The following OR56A1 variants were observed in gnomAD, a reference collection of about 807,000 sequenced individuals.
OR56A1 encodes the protein olfactory receptor 56A1.
For missense variants in OR56A1, 360 were observed against 380.9 expected (o/e 0.94, Z 0.46); for synonymous variants, 174 against 159.1 (o/e 1.09, Z -0.70).
In OR56A1 at chr11:6,021,209, G is replaced by A. The variant is rs1001144075; in HGVS notation, c.*5539C>T. ...ATCAAAAACCTATTAGGCCTTCGAG[G>A]GGGTTTATTGCCAAAGAAACATGAA... On this transcript the variant is annotated 3_prime_UTR_variant, in exon 2 of 2. Coordinates refer to ENST00000641900, the MANE Select transcript of OR56A1 (RefSeq NM_001388488.1). 4 of 151,976 alleles carry A rather than the reference G, an allele frequency of 2.6e-5. No individual in the cohort carries two copies. Among genetic ancestry groups the A allele is most frequent in the African/African-American group, 9.7e-5 (4 of 41,392 alleles). 9.4% of individuals were successfully genotyped at this position (151,976 alleles called of 1,614,324 possible). A position where few individuals can be genotyped will look rare whatever the true frequency, so the allele number is the denominator to read the frequency against.
Position 6,027,511 on chromosome 11 carries a change from G to C in OR56A1, c.182C>G (p.Pro61Arg). ...TIQLEASLHQ[P>R]LYYLLSLLSL... ...GAGGAGGCTGAGCAGGTAGTACAGG[G>C]GCTGGTGCAGAGAGGCCTCCAGCTG... The change falls in exon 2 of 2, where the codon CCC becomes CGC. Residue 61 changes from proline (P) to arginine (R), a missense_variant. Physicochemically the swap from Pro to Arg is moderately radical, Grantham distance 103 (BLOSUM62 -2). Transcript: ENST00000641900. The C allele has an allele frequency of 6.2e-7, 1 of 1,614,080 alleles. No individual in the cohort carries two copies.
rs1370432424 is a variant in OR56A1, at chr11:6,021,254, T to G, written c.*5494A>C. On this transcript the variant is annotated 3_prime_UTR_variant, in exon 2 of 2. Transcript: ENST00000641900. ...CATGAACTTGACTTTTGAAGAAAGTTTTTGCTTTAGAATTTAAAAAATGTA... is the reference window on the plus strand; with the variant it reads ...CATGAACTTGACTTTTGAAGAAAGTGTTTGCTTTAGAATTTAAAAAATGTA... The G allele has an allele frequency of 2.0e-5, 3 of 152,132 alleles. No homozygotes were observed. The East Asian group carries it at 5.8e-4, about 29-fold the overall frequency. 9.4% of individuals were successfully genotyped at this position (152,132 alleles called of 1,614,324 possible).
chr11:6,031,830 T>C (rs761103211), upstream of OR56A1, among the ~76,000 whole-genome samples: 2 of 152,006 alleles, frequency 1.3e-5, no homozygotes, highest in African/African-American at 2.4e-5. Context: ...CATTAGAACA[T>C]AGCCTGTAGA....
At position 6,026,999 on chromosome 11, in the gene OR56A1, T is replaced by A. The variant is rs778067488; in HGVS notation, c.694A>T (p.Lys232Ter). The change falls in exon 2 of 2, where the codon AAA (lysine) becomes TAA (stop). Residue 232 changes from lysine to a stop codon, truncating the protein, a stop_gained. Transcript: ENST00000641900. LOFTEE classifies it low-confidence loss of function (END_TRUNC). ...TFILRAVLRF[K>*]AEGAAVKALS... ...GCCTTCACTGCCGCCCCCTCTGCTT[T>A]GAATCTAAGCACAGCTCTTAGAATG... 2 of 1,613,894 alleles carry A rather than the reference T, an allele frequency of 1.2e-6. No homozygotes were observed. The highest frequency in any genetic ancestry group is 1.7e-5 in the Admixed American group (1 of 60,028).
chr11:6,029,088 C>T (rs1179454363), intron 1 of OR56A1, among the ~76,000 whole-genome samples: 3 of 151,986 alleles, frequency 2.0e-5, no homozygotes, highest in African/African-American at 7.3e-5. Flanking sequence ...AAAATGTGTA[C>T]ATATAGATGT....
Position 6,026,763 on chromosome 11 carries a change from C to T in OR56A1, c.930G>A (p.Leu310=). Residue 310 remains leucine, a synonymous_variant, in exon 2 of 2, where the codon CTG becomes CTA. Transcript: ENST00000641900. The part of the protein sequence containing the change: ...KEIKQGIQKL[L]QRGR ...CTTTACATATTCACCTCCCTCTCTG[C>T]AGTAACTTCTGAATTCCCTGTTTTA... 6.3e-7 allele frequency: 1 copy of T among 1,594,464 alleles called. No individual in the cohort carries two copies. The highest frequency in any genetic ancestry group is 8.6e-7 in the Non-Finnish European group (1 of 1,167,702).
chr11:6,026,516 C>T lies in OR56A1; in HGVS notation c.*232G>A. ...CAGAGATGTGTTGAAGATTAAATTA[C>T]TTAAATGTAACTGCCAAGGTTCAAA... is the stretch of plus-strand genomic sequence containing the variant. On this transcript the variant is annotated 3_prime_UTR_variant, in exon 2 of 2. Transcript: ENST00000641900. 1 of 483,708 alleles carries T rather than the reference C, an allele frequency of 2.1e-6. No homozygotes were observed. The highest frequency in any genetic ancestry group is 4.0e-5 in the South Asian group (1 of 25,068). 30.0% of individuals were successfully genotyped at this position (483,708 alleles called of 1,614,324 possible).
intron 1 of OR56A1, among the ~76,000 whole-genome samples, chr11:6,029,889 T>A (rs572034770): frequency 6.6e-6 from 1 of 152,326 alleles, no homozygotes; most frequent in Admixed American, 6.5e-5. Flanking sequence ...CTTAGACCTC[T>A]CCAGAAGCCT....
rs750270064 is a variant in OR56A1 at position 6,026,983 on chromosome 11, G to C, written c.710C>G (p.Ala237Gly). 4 of 1,613,870 alleles carry C rather than the reference G, an allele frequency of 2.5e-6. No homozygotes were observed. The Admixed American group carries it at 5.0e-5, about 20-fold the overall frequency. The part of the protein sequence containing the change: ...AVLRFKAEGA[A>G]VKALSTCGSH... Reference sequence around the variant, plus strand: ...GCCACATGTGCTCAGGGCCTTCACTGCCGCCCCCTCTGCTTTGAATCTAAG... The same window carrying C: ...GCCACATGTGCTCAGGGCCTTCACTCCCGCCCCCTCTGCTTTGAATCTAAG... Residue 237 changes from alanine (A) to glycine (G), a missense_variant, in exon 2 of 2, where the codon GCA (alanine) becomes GGA (glycine). Transcript: ENST00000641900.
Position 6,026,809 on chromosome 11 carries a change from T to G in OR56A1, c.884A>C (p.Tyr295Ser), listed in dbSNP as rs1035553940. 4 of 1,613,990 alleles carry G rather than the reference T, an allele frequency of 2.5e-6. No individual in the cohort carries two copies. The Admixed American group carries it at 6.7e-5, about 27-fold the overall frequency. Residue 295 changes from tyrosine to serine, a missense_variant, in exon 2 of 2, where the codon TAT (tyrosine) becomes TCT (serine). Tyr to Ser is a moderately radical substitution (Grantham distance 144). Coordinates refer to ENST00000641900, the MANE Select transcript of OR56A1 (RefSeq NM_001388488.1). ...LIPPALNPIVYGVRTKEIKQG... is the reference protein window; with the variant it reads ...LIPPALNPIVSGVRTKEIKQG... ...TTTTATCTCTTTGGTCCGAACCCCA[T>G]ACACAATAGGGTTCAATGCAGGAGG...
chr11:6,023,326 G>C lies in OR56A1; in HGVS notation c.*3422C>G, dbSNP rs1383687402. The C allele has an allele frequency of 6.6e-6, 1 of 152,176 alleles. No individual in the cohort carries two copies. Among genetic ancestry groups the C allele is most frequent in the Non-Finnish European group, 1.5e-5 (1 of 68,022 alleles). 9.4% of individuals were successfully genotyped at this position (152,176 alleles called of 1,614,324 possible). A position where few individuals can be genotyped will look rare whatever the true frequency, so the allele number is the denominator to read the frequency against. On this transcript the variant is annotated 3_prime_UTR_variant, in exon 2 of 2. Coordinates refer to ENST00000641900, the MANE Select transcript of OR56A1 (RefSeq NM_001388488.1). Reference sequence around the variant, plus strand: ...CAAAGCATAATAAAGTATCAGGATGGCTAGGCACTAAAAAGCTTTCTGTGA... The same window carrying C: ...CAAAGCATAATAAAGTATCAGGATGCCTAGGCACTAAAAAGCTTTCTGTGA...
upstream of OR56A1, among the ~76,000 whole-genome samples, chr11:6,033,913 T>A (rs2133613696): frequency 6.6e-6 from 1 of 152,350 alleles, no homozygotes; most frequent in East Asian, 1.9e-4. Flanking sequence ...TTTGAACCCA[T>A]GATCCAGGTG....
upstream of OR56A1, chr11:6,030,824 A>G (rs899384565): frequency 6.6e-6 from 1 of 151,922 alleles, no homozygotes; most frequent in Non-Finnish European, 1.5e-5. Flanking sequence ...AACCATCCTC[A>G]TCATCTGTAG....
chr11:6,021,860 CTCCT>C lies in OR56A1; in HGVS notation c.*4884_*4887del. On this transcript the variant is annotated 3_prime_UTR_variant, in exon 2 of 2. Transcript: ENST00000641900. ...GTAAGTAAAAATATTGCAATATCTG[CTCCT>C]AAAGCATTCTCGCATTACTATTAAG... 6.6e-6 allele frequency: 1 copy of C among 152,120 alleles called. No individual in the cohort carries two copies. Among genetic ancestry groups the C allele is most frequent in the South Asian group, 2.1e-4 (1 of 4,826 alleles). The allele number at this position is 152,120 out of a possible 1,614,324, so 9.4% of individuals were successfully genotyped here. A position where few individuals can be genotyped will look rare whatever the true frequency, so the allele number is the denominator to read the frequency against.
upstream of OR56A1, among the ~76,000 whole-genome samples, chr11:6,033,652 G>C (rs1848532955): frequency 6.6e-6 from 1 of 151,722 alleles, no homozygotes. Flanking sequence ...AAGGAGGAGG[G>C]TCATTTTTAC....
In OR56A1 at chr11:6,023,237, T is replaced by C. The variant is rs1848414793; in HGVS notation, c.*3511A>G. 2 of 152,200 alleles carry C rather than the reference T, an allele frequency of 1.3e-5. No individual in the cohort carries two copies. The highest frequency in any genetic ancestry group is 2.1e-4 in the South Asian group (1 of 4,830). The allele number at this position is 152,200 out of a possible 1,614,324, so 9.4% of individuals were successfully genotyped here. On this transcript the variant is annotated 3_prime_UTR_variant, in exon 2 of 2. Coordinates refer to ENST00000641900, the MANE Select transcript of OR56A1 (RefSeq NM_001388488.1). ...AGACGTTGCTGTTTAAGTTCTACAG[T>C]TGCAGTCTTGATGCTATAAACTTTC...
rs1473347098 is a variant in OR56A1, at chr11:6,022,936, ACT to A, written c.*3810_*3811del. On this transcript the variant is annotated 3_prime_UTR_variant, in exon 2 of 2. Coordinates refer to ENST00000641900, the MANE Select transcript of OR56A1 (RefSeq NM_001388488.1). ...TATTCACTATTCTTATGAATACCTG[ACT>A]CATGTCAGTGATTTGGTATTGACTT... 6.6e-6 allele frequency: 1 copy of A among 152,164 alleles called. No homozygotes were observed. Among genetic ancestry groups the A allele is most frequent in the African/African-American group, 2.4e-5 (1 of 41,428 alleles). 9.4% of individuals were successfully genotyped at this position (152,164 alleles called of 1,614,324 possible). A position where few individuals can be genotyped will look rare whatever the true frequency, so the allele number is the denominator to read the frequency against.
Position 6,026,967 on chromosome 11 carries a change from G to A in OR56A1, c.726C>T (p.Ser242=). Residue 242 remains serine (S), a synonymous_variant, in exon 2 of 2, where the codon AGC becomes AGT. Coordinates refer to ENST00000641900, the MANE Select transcript of OR56A1 (RefSeq NM_001388488.1). The part of the protein sequence containing the change: ...KAEGAAVKAL[S]TCGSHFILIL... ...TGAGGATGAAGTGGGAGCCACATGTGCTCAGGGCCTTCACTGCCGCCCCCT... is the reference window on the plus strand; with the variant it reads ...TGAGGATGAAGTGGGAGCCACATGTACTCAGGGCCTTCACTGCCGCCCCCT... 1 of 1,614,090 alleles carries A rather than the reference G, an allele frequency of 6.2e-7. No homozygotes were observed. The highest frequency in any genetic ancestry group is 8.5e-7 in the Non-Finnish European group (1 of 1,179,936).
At chr11:6,034,303 GCT>G (rs2133614111), upstream of OR56A1, 1 of 152,432 alleles carries the variant, frequency 6.6e-6, no homozygotes. Context: ...AAAAGAACGA[GCT>G]CTTAGTGTTG....
Sources: gnomAD v4.1 joint callset for allele counts (sites outside exome capture counted in the v4.1 genomes callset) on GRCh38, gnomAD v4.1.1 for gene constraint, MANE v1.5 for transcripts, NCBI Gene and HGNC (gene_info 2026-07-23, HGNC 2026-07-21) for gene names.